Variants in WDR7 observed in about 807,000 individuals in gnomAD.
WDR7 encodes WD repeat domain 7, also known as WD repeat-containing protein 7.
In WDR7, 46 loss-of-function variants were observed where a neutral mutation model predicts 169.4. The observed-to-expected ratio is 0.27, with a 90% CI of 0.21 to 0.35. The LOEUF (loss-of-function observed/expected upper bound fraction) is 0.35, where lower values mean the gene tolerates loss of function less well. Ranked by LOEUF, WDR7 falls within the 10% of genes least tolerant of loss-of-function variation. WDR7 has a pLI of 1.00. For synonymous variants in WDR7, 612 were observed against 666.8 expected (o/e 0.92, Z 1.27); for missense variants, 1,534 against 1,859.3 (o/e 0.83, Z 3.22).
intron 13 of WDR7, among the ~76,000 whole-genome samples, chr18:56,720,028 A>T (rs1205879253): frequency 6.6e-6 from 1 of 152,238 alleles, no homozygotes; most frequent in Non-Finnish European, 1.5e-5. Context: ...ATGCTGCTTA[A>T]CTTGTTACTT....
chr18:56,866,742 G>T (rs936246371), intron 20 of WDR7, among the ~76,000 whole-genome samples: 2 of 152,132 alleles, frequency 1.3e-5, no homozygotes, highest in African/African-American at 4.8e-5. Flanking sequence ...TATGGCAGTG[G>T]TGGTAGGAGT....
intron 20 of WDR7, among the ~76,000 whole-genome samples, chr18:56,839,919 G>C (rs2045455248): frequency 6.6e-6 from 1 of 152,038 alleles, no homozygotes; most frequent in East Asian, 1.9e-4. Context: ...AAAATTAGCT[G>C]GGCATGGTGG....
chr18:56,751,624 G>A (rs1441348461), intron 14 of WDR7, among the ~76,000 whole-genome samples: 1 of 152,092 alleles, frequency 6.6e-6, no homozygotes, highest in African/African-American at 2.4e-5. Flanking sequence ...ATAACCAGCC[G>A]TAATACCTAG....
At chr18:56,883,180 A>C (rs2046135713) in intron 21 of WDR7, among the ~76,000 whole-genome samples, 1 of 148,530 alleles carries the variant, frequency 6.7e-6, no homozygotes. Flanking sequence ...ACTGCCCTCC[A>C]GCCTGGGCGA....
chr18:56,748,289 A>G (rs2043735781), intron 14 of WDR7, among the ~76,000 whole-genome samples: 1 of 152,136 alleles, frequency 6.6e-6, no homozygotes, highest in African/African-American at 2.4e-5. Flanking sequence ...AGGTCTGTAC[A>G]ATGGAGGAAC....
intron 1 of WDR7, among the ~76,000 whole-genome samples, chr18:56,655,511 T>G (rs1320988702): frequency 6.6e-6 from 1 of 150,924 alleles, no homozygotes; most frequent in Non-Finnish European, 1.5e-5. Flanking sequence ...TCCCAGCTAC[T>G]TGGGGGGCTG....
intron 2 of WDR7, among the ~76,000 whole-genome samples, chr18:56,677,274 TA>T (rs2025264205): frequency 6.6e-6 from 1 of 152,206 alleles, no homozygotes; most frequent in African/African-American, 2.4e-5. Flanking sequence ...TTTGGTACTT[TA>T]AATATGTCAT....
At chr18:56,995,318 CA>C (rs1359889864) in intron 26 of WDR7, among the ~76,000 whole-genome samples, 16 of 152,256 alleles carry the variant, frequency 1.1e-4, no homozygotes, top group African/African-American at 3.1e-4. Flanking sequence ...ATGGCAGAAA[CA>C]AGTTTTTAAG....
At chr18:56,730,838 A>G (rs995056500) in intron 13 of WDR7, among the ~76,000 whole-genome samples, 1 of 152,174 alleles carries the variant, frequency 6.6e-6, no homozygotes, top group Admixed American at 6.5e-5. Flanking sequence ...GGTAATTTCC[A>G]CAAACATACG....
intron 12 of WDR7, among the ~76,000 whole-genome samples, chr18:56,705,417 G>GA (rs1434850363): frequency 6.6e-6 from 1 of 151,956 alleles, no homozygotes; most frequent in Non-Finnish European, 1.5e-5. Context: ...GGAGTACATA[G>GA]GGCACTTAGG....
chr18:56,902,364 T>C (rs6566843), intron 21 of WDR7, among the ~76,000 whole-genome samples: 124,073 of 152,136 alleles, frequency 0.82, 51,015 homozygotes, highest in East Asian at 0.98. Flanking sequence ...TTTGCCTTTG[T>C]GGACATTTAT....
At chr18:56,852,174 C>A (rs917481942) in intron 20 of WDR7, among the ~76,000 whole-genome samples, 9 of 152,174 alleles carry the variant, frequency 5.9e-5, no homozygotes, top group African/African-American at 2.2e-4. Context: ...TGTTTTAAGG[C>A]CATAAATTCT....
At chr18:56,706,632 G>A (rs577305756) in intron 12 of WDR7, among the ~76,000 whole-genome samples, 10 of 152,164 alleles carry the variant, frequency 6.6e-5, no homozygotes, top group Non-Finnish European at 1.2e-4. Flanking sequence ...CTAAATCTGG[G>A]CAGTTTGTAC....
chr18:56,786,797 T>A (rs1244083621), intron 19 of WDR7, among the ~76,000 whole-genome samples: 1 of 151,992 alleles, frequency 6.6e-6, no homozygotes, highest in African/African-American at 2.4e-5. Context: ...AGAAATATAA[T>A]AATTCTTGTC....
intron 26 of WDR7, among the ~76,000 whole-genome samples, chr18:56,991,027 G>C (rs2047805517): frequency 6.6e-6 from 1 of 152,094 alleles, no homozygotes; most frequent in African/African-American, 2.4e-5. Flanking sequence ...ATTCAGGTTG[G>C]GTTGCTCACT....
At chr18:56,972,141 G>A (rs2047497813) in intron 26 of WDR7, among the ~76,000 whole-genome samples, 2 of 152,164 alleles carry the variant, frequency 1.3e-5, no homozygotes, top group Admixed American at 6.5e-5. Flanking sequence ...TTCTATGACA[G>A]ATTTAATTCT....
At chr18:56,829,955 AAC>A (rs889294714) in intron 20 of WDR7, among the ~76,000 whole-genome samples, 1 of 152,238 alleles carries the variant, frequency 6.6e-6, no homozygotes, top group Non-Finnish European at 1.5e-5. Context: ...AGAAAATAAC[AAC>A]ACAGAGTTTT....
chr18:56,739,601 C>T (rs1001499158), intron 14 of WDR7, among the ~76,000 whole-genome samples: 1 of 152,028 alleles, frequency 6.6e-6, no homozygotes, highest in Non-Finnish European at 1.5e-5. Flanking sequence ...CTACTCATTT[C>T]TTTTAGTACA....
rs528290255 is a variant in WDR7, at chr18:56,925,273, T to C, written c.3713+1165T>C. Among the ~76,000 whole-genome samples the C allele has an allele frequency of 6.6e-4, 100 of 152,354 alleles. No individual in the cohort carries two copies. In the South Asian group the frequency reaches 0.02, roughly 31 times the overall value. ...AAGTATTTGAACACCTGTTTTCATT[T>C]GAGTAGACATGTAGGAGTAGAATTT... On this transcript the variant is annotated intron_variant, in intron 22 of 27. Coordinates refer to ENST00000254442, the MANE Select transcript of WDR7 (RefSeq NM_015285.3).
Sources: allele counts gnomAD v4.1 joint callset (sites outside exome capture counted in the v4.1 genomes callset), GRCh38; gene constraint gnomAD v4.1.1; transcripts MANE v1.5; gene names NCBI Gene and HGNC (gene_info 2026-07-23, HGNC 2026-07-21).